Variants in TOP1MT observed in about 807,000 individuals in gnomAD.
TOP1MT encodes the protein DNA topoisomerase I mitochondrial.
TOP1MT carries 80 observed loss-of-function variants against 73.9 expected under a neutral mutation model. The ratio of observed to expected loss-of-function variants is 1.08; its 90% CI spans 0.90 to 1.30. The LOEUF (loss-of-function observed/expected upper bound fraction) is 1.30, where lower values mean the gene tolerates loss of function less well. TOP1MT is among the 50% of genes most tolerant of loss of function. The pLI, the probability that TOP1MT is intolerant of heterozygous loss-of-function variation, is 0.00. For synonymous variants in TOP1MT, 338 were observed against 326.4 expected, an observed-to-expected ratio of 1.04 and a Z score of -0.38; for missense variants, 815 against 808.0, an observed-to-expected ratio of 1.01 and a Z score of -0.10.
intron 1 of TOP1MT, among the ~76,000 whole-genome samples, chr8:143,355,003 G>T (rs1176283210): frequency 6.6e-6 from 1 of 152,236 alleles, no homozygotes. Flanking sequence ...CACCATAAAA[G>T]TCTCCATTTC....
chr8:143,337,596 T>C (rs1340343370), upstream of TOP1MT, among the ~76,000 whole-genome samples: 1 of 152,164 alleles, frequency 6.6e-6, no homozygotes, highest in African/African-American at 2.4e-5. Context: ...ACTTGCTGAT[T>C]TCAAAACTTC....
chr8:143,340,366 G>A (rs187571261), intron 2 of TOP1MT, among the ~76,000 whole-genome samples: 1 of 151,286 alleles, frequency 6.6e-6, no homozygotes, highest in African/African-American at 2.4e-5. Context: ...GTCAGGACAT[G>A]GAGGGAGAGA....
chr8:143,322,561 ACAC>A lies in TOP1MT; in HGVS notation c.961-1178_961-1176del, dbSNP rs1347719350. 5.0e-3 allele frequency among the ~76,000 whole-genome samples: 619 copies of A among 123,014 alleles called. 19 individuals carry two copies. The highest frequency in any genetic ancestry group is 0.019 in the African/African-American group (595 of 31,510). 80.7% of individuals were successfully genotyped at this position (123,014 alleles called of 152,430 possible). On this transcript the variant is annotated intron_variant, in intron 7 of 13. Transcript: ENST00000329245. Reference sequence around the variant, plus strand: ...TGCACGCCACACACACGCACGCCACACACAGACACGCCACACACATGCACGCCA... The same window carrying A: ...TGCACGCCACACACACGCACGCCACAAGACACGCCACACACATGCACGCCA...
chr8:143,327,797 A>G, intron 3 of TOP1MT: 1 of 429,836 alleles, frequency 2.3e-6, no homozygotes, highest in Admixed American at 2.7e-5. Context: ...GAGCCTGCAC[A>G]GGGGACAAGG....
intron 1 of TOP1MT, among the ~76,000 whole-genome samples, 183 bp from the exon 2 acceptor site, chr8:143,331,522 C>T (rs548353189): frequency 1.3e-5 from 2 of 152,282 alleles, no homozygotes; most frequent in South Asian, 2.1e-4. Context: ...ACCCCATGCC[C>T]GTGTACCCGC....
chr8:143,337,643 T>C (rs1396529879), upstream of TOP1MT, among the ~76,000 whole-genome samples: 1 of 152,218 alleles, frequency 6.6e-6, no homozygotes, highest in Non-Finnish European at 1.5e-5. Context: ...ACCCCATCTG[T>C]ACTAAAGATT....
At chr8:143,351,573 C>A in intron 1 of TOP1MT, among the ~76,000 whole-genome samples, 3 of 142,946 alleles carry the variant, frequency 2.1e-5, no homozygotes, top group Admixed American at 7.1e-5. Context: ...GAGTGAGACC[C>A]AGTCTCAAAA....
chr8:143,346,382 T>C (rs995719288), upstream of TOP1MT, among the ~76,000 whole-genome samples: 7 of 152,230 alleles, frequency 4.6e-5, no homozygotes, highest in African/African-American at 1.7e-4. Flanking sequence ...AACTTAGTTC[T>C]TGGACCAGGC....
upstream of TOP1MT, among the ~76,000 whole-genome samples, chr8:143,356,779 C>G (rs1475800832): frequency 1.3e-5 from 1 of 75,200 alleles, no homozygotes; most frequent in Non-Finnish European, 2.3e-5. Context: ...GAGTGAGACT[C>G]TGTCTCAAAA....
chr8:143,320,939 G>A (rs569636373), intron 8 of TOP1MT, among the ~76,000 whole-genome samples: 4 of 152,288 alleles, frequency 2.6e-5, no homozygotes, highest in South Asian at 2.1e-4. Context: ...GAGATGCTCC[G>A]GCCGGGGGGC....
intron 6 of TOP1MT, 48 bp downstream of exon 6, chr8:143,324,437 C>G: frequency 6.2e-7 from 1 of 1,612,398 alleles, no homozygotes; most frequent in Non-Finnish European, 8.5e-7. Context: ...CCGGCGTCCT[C>G]AGGGGGACCT....
chr8:143,358,224 T>A (rs769406015), upstream of TOP1MT, among the ~76,000 whole-genome samples: 111 of 152,224 alleles, frequency 7.3e-4, 2 homozygotes, highest in Admixed American at 9.2e-4. Context: ...TTTCCAGCCT[T>A]ATCTGCCCAG....
chr8:143,349,366 C>T (rs986277737), upstream of TOP1MT, among the ~76,000 whole-genome samples: 12 of 150,096 alleles, frequency 8.0e-5, no homozygotes, highest in Middle Eastern at 3.4e-3. Flanking sequence ...ACCTTACAAC[C>T]GGGTGTACCT....
chr8:143,342,422 C>G (rs1212880361), intron 2 of TOP1MT, among the ~76,000 whole-genome samples: 1 of 131,966 alleles, frequency 7.6e-6, no homozygotes, highest in African/African-American at 3.3e-5. Flanking sequence ...GAGACAGAGT[C>G]TCGCTCTGTT....
At chr8:143,322,630 TCACACACACACGCCACACGCACAC>T (rs1563759684) in intron 7 of TOP1MT, among the ~76,000 whole-genome samples, 12 of 36,654 alleles carry the variant, frequency 3.3e-4, no homozygotes, top group African/African-American at 1.0e-3. Context: ...CACAGGCACG[TCACACACACACGCCACACGCACAC>T]CACACACGCA....
At position 143,352,595 on chromosome 8, in the gene TOP1MT, A is replaced by G. The variant is rs141141211; in HGVS notation, c.-39+3370T>C. The stretch of plus-strand genomic sequence containing the variant: ...CTCTTAGAAAAAAACATAGGTATAA[A>G]TCTTTATGACCCTGAATTAGATCAT... On this transcript the variant is annotated intron_variant, in intron 1 of 5. Transcript: ENST00000518760. Among the ~76,000 whole-genome samples the G allele has an allele frequency of 2.3e-4, 35 of 152,328 alleles. 2 individuals are homozygous for G. The highest frequency in any genetic ancestry group is 8.4e-4 in the African/African-American group (35 of 41,562).
chr8:143,340,502 G>A (rs1237710634), intron 2 of TOP1MT, among the ~76,000 whole-genome samples: 2 of 151,994 alleles, frequency 1.3e-5, no homozygotes, highest in Non-Finnish European at 2.9e-5. Context: ...GGACACCCCA[G>A]CATCAACTGG....
intron 5 of TOP1MT, among the ~76,000 whole-genome samples, chr8:143,324,831 C>T (rs1181610575): frequency 6.6e-6 from 1 of 152,200 alleles, no homozygotes; most frequent in African/African-American, 2.4e-5. Flanking sequence ...CACAGGAAGG[C>T]CACAGTGCAC....
Position 143,309,534 on chromosome 8 carries a change from C to G in TOP1MT, c.1713G>C (p.Arg571=), listed in dbSNP as rs766084492. Residue 571 remains arginine, a synonymous_variant, in exon 14 of 14, where the codon CGG becomes CGC. Transcript: ENST00000329245. ...DPRISIAWCK[R]FRVPVEKIYS... ...AGATCTTCTCCACTGGCACCCTGAACCGCTTGCACCTGCGGGAGGCAGCAT... is the reference window on the plus strand; with the variant it reads ...AGATCTTCTCCACTGGCACCCTGAAGCGCTTGCACCTGCGGGAGGCAGCAT... 4.3e-6 allele frequency: 7 copies of G among 1,613,822 alleles called. No individual in the cohort carries two copies. In the Admixed American group the frequency reaches 8.3e-5, roughly 19 times the overall value.
Sources: gnomAD v4.1 joint callset for allele counts (sites outside exome capture counted in the v4.1 genomes callset) on GRCh38, gnomAD v4.1.1 for gene constraint, MANE v1.5 for transcripts, NCBI Gene and HGNC (gene_info 2026-07-23, HGNC 2026-07-21) for gene names.